Variants in BCAT1 observed in about 807,000 individuals in gnomAD.
BCAT1 encodes branched chain amino acid transaminase 1, also known as branched-chain-amino-acid aminotransferase, cytosolic.
In BCAT1, 48 loss-of-function variants were observed where a neutral mutation model predicts 52.4. The observed-to-expected ratio is 0.92, with a 90% CI of 0.73 to 1.16. The LOEUF (loss-of-function observed/expected upper bound fraction) is 1.16. Among genes scored for constraint, BCAT1 ranks in the 50% most tolerant of loss-of-function variants. BCAT1 has a pLI of 0.00. For missense variants in BCAT1, 451 were observed against 457.1 expected (o/e 0.99, Z 0.12); for synonymous variants, 167 against 161.3 (o/e 1.04, Z -0.27).
At chr12:24,938,957 C>T (rs914220767) in intron 1 of BCAT1, among the ~76,000 whole-genome samples, 7 of 152,148 alleles carry the variant, frequency 4.6e-5, no homozygotes, top group African/African-American at 1.7e-4. Context: ...TCACTGTAGC[C>T]TCCACCTCCC....
intron 3 of BCAT1, among the ~76,000 whole-genome samples, chr12:24,889,584 C>T (rs953848426): frequency 7.2e-5 from 11 of 152,174 alleles, no homozygotes; most frequent in Non-Finnish European, 1.5e-4. Context: ...GCTGGTAACT[C>T]CCATAGCCCT....
rs2139279927 is a variant in BCAT1, at chr12:24,812,350, CTTA to C, written c.*5655_*5657del. 6.6e-6 allele frequency: 1 copy of C among 152,080 alleles called. No individual in the cohort carries two copies. Among genetic ancestry groups the C allele is most frequent in the South Asian group, 2.1e-4 (1 of 4,822 alleles). 9.4% of individuals were successfully genotyped at this position (152,080 alleles called of 1,614,324 possible). On this transcript the variant is annotated 3_prime_UTR_variant, in exon 11 of 11. Transcript: ENST00000261192. ...AGTCACAATCTACTTCTTGTCTAAA[CTTA>C]TTATTTTATTTGGCCTCAAGAAGCT... is the stretch of plus-strand genomic sequence containing the variant.
chr12:24,880,491 T>C (rs1198883763), intron 4 of BCAT1, among the ~76,000 whole-genome samples: 1 of 152,176 alleles, frequency 6.6e-6, no homozygotes, highest in South Asian at 2.1e-4. Flanking sequence ...CAATGATTTC[T>C]GCTCCATAAG....
chr12:24,884,598 CATAA>C (rs1326048101), intron 3 of BCAT1, among the ~76,000 whole-genome samples: 3 of 152,052 alleles, frequency 2.0e-5, no homozygotes, highest in African/African-American at 7.2e-5. Flanking sequence ...CATCGTACCC[CATAA>C]ATAAATACAA....
chr12:24,920,415 G>T (rs762661718), intron 1 of BCAT1, among the ~76,000 whole-genome samples: 2 of 152,004 alleles, frequency 1.3e-5, no homozygotes, highest in Non-Finnish European at 2.9e-5. Context: ...AAATCCTCTT[G>T]GCAAACTGAC....
rs996953230 is a variant in BCAT1 at position 24,836,837 on chromosome 12, G to A, written c.818-241C>T. 5.7e-5 allele frequency among the ~76,000 whole-genome samples: 7 copies of A among 122,434 alleles called. 1 individual carries two copies. The East Asian group carries it at 1.2e-3, about 21-fold the overall frequency. The allele number at this position is 122,434 out of a possible 152,430, so 80.3% of individuals were successfully genotyped here. The stretch of plus-strand genomic sequence containing the variant: ...AGGAAGGAAAGAAGGAAGGAAGGAA[G>A]GAGAGAGAGAGAAAGAAAGGAAGGA... On this transcript the variant is annotated intron_variant, in intron 7 of 10. Transcript: ENST00000261192.
At chr12:24,839,407 C>A (rs780855664) in intron 7 of BCAT1, among the ~76,000 whole-genome samples, 2 of 152,128 alleles carry the variant, frequency 1.3e-5, no homozygotes, top group Admixed American at 6.5e-5. Flanking sequence ...GGTTGTTTTC[C>A]CAAAGTGACT....
chr12:24,929,697 C>T (rs946128972), intron 1 of BCAT1, among the ~76,000 whole-genome samples: 2 of 152,084 alleles, frequency 1.3e-5, no homozygotes, highest in African/African-American at 4.8e-5. Flanking sequence ...ACAACCTATG[C>T]TTGCTATACA....
At chr12:24,935,987 A>C (rs1043305830) in intron 1 of BCAT1, among the ~76,000 whole-genome samples, 4 of 152,190 alleles carry the variant, frequency 2.6e-5, no homozygotes, top group African/African-American at 9.7e-5. Context: ...CTTCACTTCC[A>C]AGTCCTCACC....
intron 1 of BCAT1, among the ~76,000 whole-genome samples, chr12:24,922,410 C>T (rs564211621): frequency 6.6e-6 from 1 of 152,320 alleles, no homozygotes; most frequent in African/African-American, 2.4e-5. Context: ...CATCCGGCCC[C>T]TAGTTTCACA....
At chr12:24,887,732 T>C (rs1023984306) in intron 3 of BCAT1, among the ~76,000 whole-genome samples, 1 of 152,258 alleles carries the variant, frequency 6.6e-6, no homozygotes, top group Non-Finnish European at 1.5e-5. Context: ...TTTATTTCAC[T>C]AAATATTTGT....
Position 24,853,566 on chromosome 12 carries a change from A to C in BCAT1, c.511-3617T>G, listed in dbSNP as rs79463357. 8.0e-3 allele frequency among the ~76,000 whole-genome samples: 1,221 copies of C among 152,318 alleles called. 23 individuals are homozygous for C. Among genetic ancestry groups the C allele is most frequent in the African/African-American group, 0.029 (1,187 of 41,562 alleles). ...GTATCACAACATATACCCATGTAAC[A>C]AACTTGCACATGTAACTCCTGACTC... On this transcript the variant is annotated intron_variant, in intron 5 of 10. Coordinates refer to ENST00000261192, the MANE Select transcript of BCAT1 (RefSeq NM_005504.7).
Position 24,878,667 on chromosome 12 carries a change from AT to A in BCAT1, c.391-19del. On this transcript the variant is annotated intron_variant, in intron 4 of 10. Coordinates refer to ENST00000261192, the MANE Select transcript of BCAT1 (RefSeq NM_005504.7). ...TCAAATACCTGAAAGAATGAAAAAC[AT>A]AATAAATGACAGAATTTTCTCACAA... is the stretch of plus-strand genomic sequence containing the variant. 1 of 1,589,012 alleles carries A rather than the reference AT, an allele frequency of 6.3e-7. No homozygotes were observed. The highest frequency in any genetic ancestry group is 8.6e-7 in the Non-Finnish European group (1 of 1,166,570).
chr12:24,823,348 A>G (rs1278107397), intron 10 of BCAT1, among the ~76,000 whole-genome samples: 1 of 152,184 alleles, frequency 6.6e-6, no homozygotes, highest in Non-Finnish European at 1.5e-5. Flanking sequence ...TGTTGGGATT[A>G]CAGGCGTAAG....
At chr12:24,853,025 A>G (rs1425420051) in intron 5 of BCAT1, among the ~76,000 whole-genome samples, 3 of 152,254 alleles carry the variant, frequency 2.0e-5, no homozygotes, top group Non-Finnish European at 4.4e-5. Flanking sequence ...TTCTATGCTT[A>G]GGAGTCATTA....
At chr12:24,874,194 G>C (rs1275057548) in intron 5 of BCAT1, among the ~76,000 whole-genome samples, 1 of 152,062 alleles carries the variant, frequency 6.6e-6, no homozygotes, top group African/African-American at 2.4e-5. Flanking sequence ...CGCACCTGTA[G>C]TCCCCGCTAA....
At chr12:24,897,600 C>A (rs755796836) in intron 2 of BCAT1, among the ~76,000 whole-genome samples, 7 of 152,160 alleles carry the variant, frequency 4.6e-5, no homozygotes, top group African/African-American at 7.2e-5. Flanking sequence ...GTCACCCAGG[C>A]GGAAGAGCAG....
At chr12:24,870,015 T>TGTGC (rs144955985) in intron 5 of BCAT1, among the ~76,000 whole-genome samples, 31,587 of 151,806 alleles carry the variant, frequency 0.21, 3,764 homozygotes, top group African/African-American at 0.33. Context: ...TGTGTGTGTG[T>TGTGC]GTGTGTGTGT....
intron 5 of BCAT1, among the ~76,000 whole-genome samples, chr12:24,852,313 G>A (rs998243240): frequency 1.1e-4 from 16 of 152,296 alleles, no homozygotes; most frequent in African/African-American, 3.8e-4. Context: ...GAGGAATTTA[G>A]AGAAGCTTCT....
Sources: gnomAD v4.1 joint callset for allele counts (sites outside exome capture counted in the v4.1 genomes callset) on GRCh38, gnomAD v4.1.1 for gene constraint, MANE v1.5 for transcripts, NCBI Gene and HGNC (gene_info 2026-07-23, HGNC 2026-07-21) for gene names.